The following SGPP2 variants were observed in gnomAD, a reference collection of about 807,000 sequenced individuals.
SGPP2 encodes sphingosine-1-phosphate phosphatase 2.
A neutral mutation model predicts 33.9 loss-of-function variants in SGPP2; 30 were observed. The ratio of observed to expected loss-of-function variants is 0.89; its 90% CI spans 0.66 to 1.20. SGPP2 has a LOEUF of 1.20. Among genes scored for constraint, SGPP2 ranks in the 50% most tolerant of loss-of-function variants. The pLI, the probability that SGPP2 is intolerant of heterozygous loss-of-function variation, is 0.00. For missense variants in SGPP2, 458 were observed against 532.1 expected (o/e 0.86, Z 1.37); for synonymous variants, 233 against 225.0 (o/e 1.04, Z -0.32).
chr2:222,510,907 G>A lies in SGPP2; in HGVS notation c.379-10860G>A, dbSNP rs150685784. 4.2e-3 allele frequency among the ~76,000 whole-genome samples: 646 copies of A among 152,250 alleles called. 1 individual carries two copies. The highest frequency in any genetic ancestry group is 0.016 in the South Asian group (76 of 4,814). On this transcript the variant is annotated intron_variant, in intron 2 of 4. Transcript: ENST00000321276. The stretch of plus-strand genomic sequence containing the variant: ...TTCAGAAGAAGCTAGGAGGAGAAGC[G>A]TCTTATATTAATGTGGGCCAAAAAT...
chr2:222,489,179 T>A (rs1490658463), intron 2 of SGPP2, among the ~76,000 whole-genome samples: 1 of 152,182 alleles, frequency 6.6e-6, no homozygotes, highest in Non-Finnish European at 1.5e-5. Flanking sequence ...CTACAAGTAA[T>A]TGCACACCTG....
intron 2 of SGPP2, chr2:222,504,300 T>G (rs1402600836): frequency 6.6e-6 from 1 of 152,240 alleles, no homozygotes; most frequent in Admixed American, 6.5e-5. Context: ...GGAGGAGTAA[T>G]CATGATCTGT....
chr2:222,472,719 A>G (rs529592571), intron 1 of SGPP2, among the ~76,000 whole-genome samples: 256 of 152,330 alleles, frequency 1.7e-3, no homozygotes, highest in Non-Finnish European at 2.6e-3. Context: ...AACAGGGAGC[A>G]GACCAGTTTT....
rs540328250 is a variant in SGPP2, at chr2:222,452,149, T to C, written c.220-22419T>C. On this transcript the variant is annotated intron_variant, in intron 1 of 4. Transcript: ENST00000321276. Reference sequence around the variant, plus strand: ...CTATAGCCAGAGACAGCTTCTATCATGTTGTCCTTAGCAGCCAAGGTTATT... The same window carrying C: ...CTATAGCCAGAGACAGCTTCTATCACGTTGTCCTTAGCAGCCAAGGTTATT... Among the ~76,000 whole-genome samples, 3 of 152,290 alleles carry C rather than the reference T, an allele frequency of 2.0e-5. No homozygotes were observed. The East Asian group carries it at 5.8e-4, about 29-fold the overall frequency.
chr2:222,485,392 T>A (rs1698089727), intron 2 of SGPP2, among the ~76,000 whole-genome samples: 1 of 152,152 alleles, frequency 6.6e-6, no homozygotes, highest in South Asian at 2.1e-4. Context: ...AGACTGAGTG[T>A]CCCAGATTTT....
intron 1 of SGPP2, among the ~76,000 whole-genome samples, chr2:222,442,554 ATCT>A (rs1697342230): frequency 6.6e-6 from 1 of 152,168 alleles, no homozygotes; most frequent in Admixed American, 6.5e-5. Flanking sequence ...TGTGTAATTC[ATCT>A]TCATGTCTGT....
rs535735447 is a variant in SGPP2, at chr2:222,503,712, C to T, written c.379-18055C>T. On this transcript the variant is annotated intron_variant, in intron 2 of 4. Transcript: ENST00000321276. ...AGCAATGGTATTCAACAAGGGAAGACTCTCAGGTCCTTCCTTCTTCATGGG... is the reference window on the plus strand; with the variant it reads ...AGCAATGGTATTCAACAAGGGAAGATTCTCAGGTCCTTCCTTCTTCATGGG... 2.3e-4 allele frequency among the ~76,000 whole-genome samples: 35 copies of T among 152,240 alleles called. 1 individual carries two copies. In the Middle Eastern group the frequency reaches 0.01, roughly 44 times the overall value.
chr2:222,495,104 C>G (rs1350144894), intron 2 of SGPP2, among the ~76,000 whole-genome samples: 1 of 152,092 alleles, frequency 6.6e-6, no homozygotes, highest in Non-Finnish European at 1.5e-5. Context: ...TTGCTAATGT[C>G]AGAGCTTACT....
chr2:222,430,766 G>A (rs115169739), intron 1 of SGPP2, among the ~76,000 whole-genome samples: 301 of 152,330 alleles, frequency 2.0e-3, no homozygotes, highest in Non-Finnish European at 3.0e-3. Context: ...ATCACCAGTG[G>A]TAAGTCATGT....
At position 222,461,206 on chromosome 2, in the gene SGPP2, A is replaced by G. The variant is rs1574842377; in HGVS notation, c.220-13362A>G. On this transcript the variant is annotated intron_variant, in intron 1 of 4. Coordinates refer to ENST00000321276, the MANE Select transcript of SGPP2 (RefSeq NM_152386.4). ...CATGCTGTGTGCCTGATGGGGTAGC[A>G]TGTGATTTACATAAGTGACTCCATT... 2.0e-5 allele frequency among the ~76,000 whole-genome samples: 3 copies of G among 152,228 alleles called. 1 individual carries two copies. The East Asian group carries it at 5.8e-4, about 29-fold the overall frequency.
intron 2 of SGPP2, among the ~76,000 whole-genome samples, chr2:222,516,017 T>C (rs1337374332): frequency 6.6e-6 from 1 of 152,186 alleles, no homozygotes; most frequent in African/African-American, 2.4e-5. Context: ...CACTGCACTC[T>C]AGCCCAGGCA....
At chr2:222,471,034 T>C (rs1449799449) in intron 1 of SGPP2, among the ~76,000 whole-genome samples, 1 of 152,244 alleles carries the variant, frequency 6.6e-6, no homozygotes, top group Non-Finnish European at 1.5e-5. Flanking sequence ...CACTTCCTTA[T>C]CTAATTCATT....
At chr2:222,433,066 G>A (rs1697181001) in intron 1 of SGPP2, among the ~76,000 whole-genome samples, 1 of 103,348 alleles carries the variant, frequency 9.7e-6, no homozygotes, top group African/African-American at 3.6e-5. Flanking sequence ...AGAAAGAGAG[G>A]AGAGAAGGAG....
At chr2:222,431,034 A>G (rs113640338) in intron 1 of SGPP2, among the ~76,000 whole-genome samples, 3,463 of 152,296 alleles carry the variant, frequency 0.023, 123 homozygotes, top group African/African-American at 0.075. Context: ...TATGGACTTC[A>G]GTTAATAATA....
intron 4 of SGPP2, among the ~76,000 whole-genome samples, chr2:222,526,702 G>C (rs944478155): frequency 1.3e-5 from 2 of 152,196 alleles, no homozygotes. Flanking sequence ...AAAGGAATGA[G>C]ATCATGTCCT....
intron 1 of SGPP2, among the ~76,000 whole-genome samples, chr2:222,425,305 G>C (rs1292040058): frequency 6.6e-6 from 1 of 152,112 alleles, no homozygotes; most frequent in Non-Finnish European, 1.5e-5. Context: ...CCAGCTCTGG[G>C]CACAGAACTT....
intron 1 of SGPP2, among the ~76,000 whole-genome samples, chr2:222,463,857 CA>C (rs1377244260): frequency 6.6e-6 from 1 of 152,162 alleles, no homozygotes; most frequent in Non-Finnish European, 1.5e-5. Flanking sequence ...ACATTTTTGG[CA>C]GTGCCTTTTA....
chr2:222,533,154 A>G (rs1332277690), intron 4 of SGPP2, among the ~76,000 whole-genome samples: 2 of 152,222 alleles, frequency 1.3e-5, no homozygotes, highest in Non-Finnish European at 2.9e-5. Context: ...AGGAGGGAAG[A>G]TAGAATGTCT....
At chr2:222,496,178 A>G (rs1574861113) in intron 2 of SGPP2, among the ~76,000 whole-genome samples, 1 of 152,204 alleles carries the variant, frequency 6.6e-6, no homozygotes, top group African/African-American at 2.4e-5. Context: ...ACAGAGTTCC[A>G]CCCTACAGTA....
Sources: allele counts gnomAD v4.1 joint callset (sites outside exome capture counted in the v4.1 genomes callset), GRCh38; gene constraint gnomAD v4.1.1; transcripts MANE v1.5; gene names NCBI Gene and HGNC (gene_info 2026-07-23, HGNC 2026-07-21).